The following ADGRB3 variants were observed in gnomAD, a reference collection of about 807,000 sequenced individuals.
The protein encoded by ADGRB3 is adhesion G protein-coupled receptor B3, also known as brain-specific angiogenesis inhibitor 3.
ADGRB3 carries 37 observed loss-of-function variants against 193.4 expected under a neutral mutation model. That is an observed-to-expected ratio of 0.19 (90% confidence interval 0.15 to 0.25). The LOEUF is 0.25. Ranked by LOEUF, ADGRB3 falls within the 10% of genes least tolerant of loss-of-function variation. The probability of loss-of-function intolerance (pLI) is 1.00; values close to 1 mark genes in which losing one functional copy is unlikely to be tolerated. For synonymous variants in ADGRB3, 690 were observed against 644.2 expected (o/e 1.07, Z -1.08); for missense variants, 1,637 against 1,852.9 (o/e 0.88, Z 2.14).
chr6:69,150,473 T>C (rs1774641944), intron 17 of ADGRB3, among the ~76,000 whole-genome samples: 2 of 152,270 alleles, frequency 1.3e-5, no homozygotes, highest in Non-Finnish European at 2.9e-5. Context: ...TTGTGGTGTA[T>C]GCTTCCAGGC....
At chr6:68,835,526 C>G (rs1043061966) in intron 3 of ADGRB3, among the ~76,000 whole-genome samples, 1 of 151,900 alleles carries the variant, frequency 6.6e-6, no homozygotes, top group African/African-American at 2.4e-5. Flanking sequence ...TAAGTTACAC[C>G]CCAAACTCAC....
intron 30 of ADGRB3, among the ~76,000 whole-genome samples, chr6:69,381,851 C>T (rs1769952764): frequency 6.6e-6 from 1 of 151,862 alleles, no homozygotes; most frequent in South Asian, 2.1e-4. Context: ...GCTTAAAATA[C>T]AGTAAAATCT....
intron 3 of ADGRB3, among the ~76,000 whole-genome samples, chr6:68,822,180 G>A (rs1767759973): frequency 1.3e-5 from 2 of 151,792 alleles, no homozygotes; most frequent in South Asian, 2.1e-4. Flanking sequence ...GGAAAATAAA[G>A]AGAAGACAGA....
intron 17 of ADGRB3, among the ~76,000 whole-genome samples, chr6:69,083,928 C>T (rs1042243795): frequency 1.6e-4 from 24 of 152,172 alleles, no homozygotes; most frequent in South Asian, 2.1e-4. Flanking sequence ...GTACATGCCA[C>T]GACACCCAGC....
intron 3 of ADGRB3, among the ~76,000 whole-genome samples, chr6:68,902,000 A>G (rs954674465): frequency 6.6e-6 from 1 of 152,070 alleles, no homozygotes. Context: ...TCAATAAATG[A>G]ATTTGTGTTA....
At chr6:68,818,655 T>A (rs1767683913) in intron 3 of ADGRB3, among the ~76,000 whole-genome samples, 2 of 152,088 alleles carry the variant, frequency 1.3e-5, no homozygotes, top group Admixed American at 1.3e-4. Flanking sequence ...CCCACAAAAA[T>A]GTGGTTTTAA....
At chr6:69,333,941 TAA>T (rs1217331572) in intron 24 of ADGRB3, among the ~76,000 whole-genome samples, 2 of 1,026 alleles carry the variant, frequency 1.9e-3, no homozygotes, top group Admixed American at 0.016. Flanking sequence ...AAAAACAAAA[TAA>T]AATAAAATAA....
chr6:69,157,136 C>T (rs957068423), intron 17 of ADGRB3, among the ~76,000 whole-genome samples: 1 of 152,170 alleles, frequency 6.6e-6, no homozygotes, highest in African/African-American at 2.4e-5. Flanking sequence ...CCCTCAGTTT[C>T]CCCATCTGTA....
At chr6:68,673,212 G>T (rs1769009685) in intron 3 of ADGRB3, among the ~76,000 whole-genome samples, 1 of 152,090 alleles carries the variant, frequency 6.6e-6, no homozygotes, top group South Asian at 2.1e-4. Context: ...ATCCTTGGTA[G>T]ATAAGTTCCC....
At chr6:69,069,803 A>G (rs1772026097) in intron 16 of ADGRB3, among the ~76,000 whole-genome samples, 1 of 151,554 alleles carries the variant, frequency 6.6e-6, no homozygotes, top group African/African-American at 2.4e-5. Context: ...AGTCTTTTGC[A>G]GATCCAGTTA....
At position 68,906,936 on chromosome 6, in the gene ADGRB3, A is replaced by T. The variant is rs78845580; in HGVS notation, c.758-23623A>T. Reference sequence around the variant, plus strand: ...ATTTGCTTCTGTACTGTCTCTTCACATTTTTTGCCTTCACTATTTTCCTTT... The same window carrying T: ...ATTTGCTTCTGTACTGTCTCTTCACTTTTTTTGCCTTCACTATTTTCCTTT... On this transcript the variant is annotated intron_variant, in intron 3 of 31. Coordinates refer to ENST00000370598, the MANE Select transcript of ADGRB3 (RefSeq NM_001704.3). Among the ~76,000 whole-genome samples the T allele has an allele frequency of 3.4e-3, 522 of 152,050 alleles. 13 individuals are homozygous for T. In the East Asian group the frequency reaches 0.062, roughly 18 times the overall value.
At chr6:68,973,949 T>A (rs927200531) in intron 8 of ADGRB3, among the ~76,000 whole-genome samples, 6 of 152,210 alleles carry the variant, frequency 3.9e-5, no homozygotes, top group African/African-American at 1.4e-4. Flanking sequence ...TATTTTTAAT[T>A]TTCTTGCTCA....
At chr6:68,685,930 C>T (rs1328806664) in intron 3 of ADGRB3, among the ~76,000 whole-genome samples, 1 of 152,108 alleles carries the variant, frequency 6.6e-6, no homozygotes, top group Non-Finnish European at 1.5e-5. Flanking sequence ...CATAAGCTTC[C>T]TAAAGTGTAA....
chr6:69,197,824 A>G (rs1765333728), intron 17 of ADGRB3, among the ~76,000 whole-genome samples: 1 of 152,130 alleles, frequency 6.6e-6, no homozygotes, highest in African/African-American at 2.4e-5. Flanking sequence ...AGAAGGATTC[A>G]TGAAGTATTT....
intron 19 of ADGRB3, among the ~76,000 whole-genome samples, chr6:69,237,345 G>C (rs1766286816): frequency 6.6e-6 from 1 of 151,878 alleles, no homozygotes. Flanking sequence ...TTTAAATTTG[G>C]TGGCGTTGCA....
intron 26 of ADGRB3, among the ~76,000 whole-genome samples, chr6:69,341,655 A>C (rs950208897): frequency 1.3e-5 from 2 of 152,154 alleles, no homozygotes; most frequent in African/African-American, 4.8e-5. Context: ...AAAGGAGTAG[A>C]AATTAAGAGG....
At chr6:69,076,127 A>G in intron 17 of ADGRB3, 89 bp downstream of exon 17, 8 of 1,131,854 alleles carry the variant, frequency 7.1e-6, no homozygotes, top group South Asian at 2.6e-5. Context: ...TAACAGGAAT[A>G]TAAGTCAGTG....
At chr6:68,850,564 T>C (rs1453188305) in intron 3 of ADGRB3, among the ~76,000 whole-genome samples, 1 of 136,796 alleles carries the variant, frequency 7.3e-6, no homozygotes, top group Non-Finnish European at 1.7e-5. Context: ...CTATGTCAAG[T>C]TTACTTGAAA....
intron 3 of ADGRB3, among the ~76,000 whole-genome samples, chr6:68,697,726 A>G (rs1398066401): frequency 2.0e-5 from 3 of 151,824 alleles, no homozygotes; most frequent in Non-Finnish European, 4.4e-5. Flanking sequence ...AATCTTTAGG[A>G]TTTGGCAAAA....
Sources: allele counts gnomAD v4.1 joint callset (sites outside exome capture counted in the v4.1 genomes callset), GRCh38; gene constraint gnomAD v4.1.1; transcripts MANE v1.5; gene names NCBI Gene and HGNC (gene_info 2026-07-23, HGNC 2026-07-21).